Variants in TKFC observed in about 807,000 individuals in gnomAD.
The protein encoded by TKFC is triokinase and FMN cyclase.
Under a neutral mutation model 61.0 loss-of-function variants are expected in TKFC, and 46 were observed. The observed-to-expected ratio is 0.75, with a 90% CI of 0.60 to 0.96. The LOEUF (loss-of-function observed/expected upper bound fraction) is 0.96. Ranked by LOEUF, TKFC falls within the 50% of genes least tolerant of loss-of-function variation. The probability of loss-of-function intolerance (pLI) is 0.00; values close to 1 mark genes in which losing one functional copy is unlikely to be tolerated. For synonymous variants in TKFC, 314 were observed against 330.1 expected (o/e 0.95, Z 0.53); for missense variants, 715 against 777.5 (o/e 0.92, Z 0.96).
rs746623798 is a variant in TKFC, at chr11:61,347,175, G to T, written c.*672G>T. On this transcript the variant is annotated 3_prime_UTR_variant, in exon 18 of 18. Coordinates refer to ENST00000394900, the MANE Select transcript of TKFC (RefSeq NM_015533.4). ...TGAATTAATAATTCAGTGGCTCCTC[G>T]GGAGTCGAATGGGCATTTGGGACAC... 1 of 985,392 alleles carries T rather than the reference G, an allele frequency of 1.0e-6. No individual in the cohort carries two copies. Among genetic ancestry groups the T allele is most frequent in the Non-Finnish European group, 1.2e-6 (1 of 829,940 alleles). The allele number at this position is 985,392 out of a possible 1,614,324, so 61.0% of individuals were successfully genotyped here.
chr11:61,342,995 TTTG>T, intron 10 of TKFC, 151 bp downstream of exon 10: 2 of 764,796 alleles, frequency 2.6e-6, no homozygotes, highest in Non-Finnish European at 4.2e-6. Flanking sequence ...TGAGCCTCTG[TTTG>T]TTTTCTTGTC....
At position 61,338,046 on chromosome 11, in the gene TKFC, G is replaced by GC; in HGVS notation, c.112dup (p.Leu38ProfsTer4). Reference sequence around the variant, plus strand: ...GCAGCTCCTGCAGGGCCACCGCGTGGCCCTCCGTTCTGACCTGGACAGCCT... The same window carrying GC: ...GCAGCTCCTGCAGGGCCACCGCGTGGCCCCTCCGTTCTGACCTGGACAGCCT... On this transcript the variant is annotated frameshift_variant, in exon 3 of 18. Coordinates refer to ENST00000394900, the MANE Select transcript of TKFC (RefSeq NM_015533.4). 1 of 1,613,104 alleles carries GC rather than the reference G, an allele frequency of 6.2e-7. No individual in the cohort carries two copies. Among genetic ancestry groups the GC allele is most frequent in the South Asian group, 1.1e-5 (1 of 91,020 alleles).
At chr11:61,337,194 G>A (rs894699007) in intron 2 of TKFC, among the ~76,000 whole-genome samples, 3 of 152,130 alleles carry the variant, frequency 2.0e-5, no homozygotes, top group African/African-American at 4.8e-5. Context: ...CACCTAGGCT[G>A]GAGTGCAGTG....
At position 61,347,234 on chromosome 11, in the gene TKFC, C is replaced by G. The variant is rs1395358478; in HGVS notation, c.*731C>G. 1.0e-6 allele frequency: 1 copy of G among 985,324 alleles called. No homozygotes were observed. The highest frequency in any genetic ancestry group is 1.7e-5 in the African/African-American group (1 of 57,216). The allele number at this position is 985,324 out of a possible 1,614,324, so 61.0% of individuals were successfully genotyped here. A position where few individuals can be genotyped will look rare whatever the true frequency, so the allele number is the denominator to read the frequency against. The stretch of plus-strand genomic sequence containing the variant: ...AAAGAAATCATCATAGTCTAAGGTT[C>G]AGTTGTAGATCAAAAAATGCAGCCA... On this transcript the variant is annotated 3_prime_UTR_variant, in exon 18 of 18. Coordinates refer to ENST00000394900, the MANE Select transcript of TKFC (RefSeq NM_015533.4).
rs756033895 is a variant in TKFC, at chr11:61,339,314, G to A, written c.365G>A (p.Arg122Gln). The A allele has an allele frequency of 5.4e-5, 87 of 1,613,772 alleles. No individual in the cohort carries two copies. Among genetic ancestry groups the A allele is most frequent in the Non-Finnish European group, 6.5e-5 (77 of 1,180,030 alleles). Residue 122 changes from arginine to glutamine, a missense_variant, in exon 5 of 18, where the codon CGG becomes CAG. Arg to Gln is a conservative substitution (Grantham distance 43, BLOSUM62 1). Coordinates refer to ENST00000394900, the MANE Select transcript of TKFC (RefSeq NM_015533.4). ...GATCGGCTCAACTTCGGCCTGGCCCGGGAGCAGGCCCGGGCTGAAGGCATC... is the reference window on the plus strand; with the variant it reads ...GATCGGCTCAACTTCGGCCTGGCCCAGGAGCAGGCCCGGGCTGAAGGCATC... ...TGDRLNFGLA[R>Q]EQARAEGIPV...
At position 61,345,480 on chromosome 11, in the gene TKFC, A is replaced by G. The variant is rs533839136; in HGVS notation, c.1366A>G (p.Thr456Ala). The change falls in exon 15 of 18, where the codon ACT (threonine) becomes GCT (alanine). Residue 456 changes from threonine (T) to alanine (A), a missense_variant. Coordinates refer to ENST00000394900, the MANE Select transcript of TKFC (RefSeq NM_015533.4). Reference sequence around the variant, plus strand: ...TCCCCAGCTCTATGGCCTGTTCCTGACTGCGGCTGCACAGCCCCTGAAGGC... The same window carrying G: ...TCCCCAGCTCTATGGCCTGTTCCTGGCTGCGGCTGCACAGCCCCTGAAGGC... Reference protein sequence around the residue: ...SSGALYGLFLTAAAQPLKAKT... With the variant: ...SSGALYGLFLAAAAQPLKAKT... 19 of 1,613,324 alleles carry G rather than the reference A, an allele frequency of 1.2e-5. No homozygotes were observed. The highest frequency in any genetic ancestry group is 1.5e-5 in the Non-Finnish European group (18 of 1,180,008).
At chr11:61,342,424 C>A (rs1590732873) in intron 7 of TKFC, 37 bp from the exon 8 acceptor site, 7 of 1,613,666 alleles carry the variant, frequency 4.3e-6, no homozygotes, top group Non-Finnish European at 5.1e-6. Context: ...AATCCCCAGG[C>A]CTTGAGTGGG....
chr11:61,337,987 C>T lies in TKFC; in HGVS notation c.50C>T (p.Ala17Val). The T allele has an allele frequency of 6.2e-7, 1 of 1,612,546 alleles. No homozygotes were observed. Among genetic ancestry groups the T allele is most frequent in the Non-Finnish European group, 8.5e-7 (1 of 1,179,454 alleles). The change falls in exon 3 of 18, where the codon GCT becomes GTT. Residue 17 changes from alanine to valine, a missense_variant. Physicochemically the swap from Ala to Val is moderately conservative, Grantham distance 64. Coordinates refer to ENST00000394900, the MANE Select transcript of TKFC (RefSeq NM_015533.4). ...VNSVAGCADD[A>V]LAGLVACNPN... ...TCGGTGGCTGGCTGTGCTGATGACG[C>T]TCTTGCTGGCCTGGTGGCCTGCAAC...
chr11:61,344,616 G>A (rs921859166), intron 13 of TKFC, among the ~76,000 whole-genome samples: 1 of 151,918 alleles, frequency 6.6e-6, no homozygotes, highest in African/African-American at 2.4e-5. Flanking sequence ...CGCTCGCCCT[G>A]GCCTCCCAAA....
intron 3 of TKFC, 36 bp from the exon 4 acceptor site, chr11:61,339,030 C>T (rs371388511): frequency 6.3e-7 from 1 of 1,587,060 alleles, no homozygotes; most frequent in Non-Finnish European, 8.6e-7. Flanking sequence ...GCGCGAGTCC[C>T]ACCCAGCATG....
rs75008961 is a variant in TKFC at position 61,346,868 on chromosome 11, C to T, written c.*365C>T. The T allele has an allele frequency of 9.7e-7, 1 of 1,026,706 alleles. No homozygotes were observed. The highest frequency in any genetic ancestry group is 1.2e-6 in the Non-Finnish European group (1 of 856,968). 63.6% of individuals were successfully genotyped at this position (1,026,706 alleles called of 1,614,324 possible). ...CTGTGAAATGCTTTCCGCACCTTAACCCCAGTGAGCGTGAAAAAGAAAGTT... is the reference window on the plus strand; with the variant it reads ...CTGTGAAATGCTTTCCGCACCTTAATCCCAGTGAGCGTGAAAAAGAAAGTT... On this transcript the variant is annotated 3_prime_UTR_variant, in exon 18 of 18. Transcript: ENST00000394900. This position sits in a 1 kb window ranked among gnomAD's most constrained non-coding sequence, Gnocchi z 4.1.
chr11:61,339,196 G>A lies in TKFC; in HGVS notation c.304+20G>A. The A allele has an allele frequency of 6.2e-7, 1 of 1,612,888 alleles. No individual in the cohort carries two copies. Among genetic ancestry groups the A allele is most frequent in the Non-Finnish European group, 8.5e-7 (1 of 1,179,388 alleles). The stretch of plus-strand genomic sequence containing the variant: ...GCACAGGTAAGCCTGGCATGCAGGA[G>A]GGGCTGCGGCAGGGAGGGCACAGTA... On this transcript the variant is annotated intron_variant, in intron 4 of 17. Transcript: ENST00000394900.
intron 2 of TKFC, among the ~76,000 whole-genome samples, chr11:61,336,725 T>A (rs1487309308): frequency 6.6e-6 from 1 of 152,114 alleles, no homozygotes; most frequent in African/African-American, 2.4e-5. Context: ...GCCCCCACGC[T>A]ACTCACTTCT....
At position 61,347,410 on chromosome 11, in the gene TKFC, T is replaced by C. The variant is rs117716439; in HGVS notation, c.*907T>C. 24,858 of 857,542 alleles carry C rather than the reference T, an allele frequency of 0.029. 374 individuals carry two copies. Among genetic ancestry groups the C allele is most frequent in the Non-Finnish European group, 0.033 (23,275 of 713,382 alleles). The allele number at this position is 857,542 out of a possible 1,614,324, so 53.1% of individuals were successfully genotyped here. ...ATACAAAATTAGCCAGGCATAGTAG[T>C]GTGTGCCTATAGTCCTAACTTGGGA... On this transcript the variant is annotated 3_prime_UTR_variant, in exon 18 of 18. Transcript: ENST00000394900.
At chr11:61,335,623 C>G (rs1156990631) in intron 2 of TKFC, among the ~76,000 whole-genome samples, 2 of 152,190 alleles carry the variant, frequency 1.3e-5, no homozygotes, top group African/African-American at 2.4e-5. Context: ...TCCCTCCAGC[C>G]CCTCGAGAAA....
At chr11:61,334,902 C>T (rs2134967624) in intron 2 of TKFC, among the ~76,000 whole-genome samples, 171 bp downstream of exon 2, 1 of 152,268 alleles carries the variant, frequency 6.6e-6, no homozygotes, top group East Asian at 1.9e-4. Flanking sequence ...CCCTGCTTTT[C>T]TTTGTTTCCT....
At chr11:61,340,701 G>A in intron 5 of TKFC, among the ~76,000 whole-genome samples, 1 of 151,974 alleles carries the variant, frequency 6.6e-6, no homozygotes, top group East Asian at 1.9e-4. Flanking sequence ...GTACCTGCCA[G>A]GCTATGGATC....
At position 61,344,320 on chromosome 11, in the gene TKFC, G is replaced by GC; in HGVS notation, c.1240+53dup. On this transcript the variant is annotated intron_variant, in intron 13 of 17. Coordinates refer to ENST00000394900, the MANE Select transcript of TKFC (RefSeq NM_015533.4). ...AAGTGAGGTCATTCACAAAACCTTA[G>GC]CCCCCCTTCCACTTGTTTCCCTGAA... 3 of 1,567,992 alleles carry GC rather than the reference G, an allele frequency of 1.9e-6. No individual in the cohort carries two copies. In the South Asian group the frequency reaches 3.4e-5, roughly 18 times the overall value.
In TKFC at chr11:61,339,386, T is replaced by C. The variant is rs111677410; in HGVS notation, c.437T>C (p.Leu146Pro). ...GGGGACGACAGCGCCTTCACTGTCC[T>C]GAAGAAGGCAGGCCGGCGGGGGCTG... ...VIGDDSAFTV[L>P]KKAGRRGLCG... The change falls in exon 5 of 18, where the codon CTG (leucine) becomes CCG (proline). Residue 146 changes from leucine to proline, a missense_variant. Transcript: ENST00000394900. 3.2e-5 allele frequency: 51 copies of C among 1,613,452 alleles called. 2 individuals carry two copies. In the African/African-American group the frequency reaches 3.3e-4, roughly 11 times the overall value.
Sources: gnomAD v4.1 joint callset for allele counts (sites outside exome capture counted in the v4.1 genomes callset) on GRCh38, gnomAD v4.1.1 for gene constraint, Gnocchi (gnomAD v3.1) non-coding constraint, MANE v1.5 for transcripts, NCBI Gene and HGNC (gene_info 2026-07-23, HGNC 2026-07-21) for gene names.